Variants in PLPP7 observed in about 807,000 individuals in gnomAD.
PLPP7 encodes the protein phospholipid phosphatase 7 (inactive).
Under a neutral mutation model 16.9 loss-of-function variants are expected in PLPP7, and 11 were observed. The ratio of observed to expected loss-of-function variants is 0.65; its 90% CI spans 0.41 to 1.08. The LOEUF is 1.08. Ranked by LOEUF, PLPP7 falls within the 50% of genes least tolerant of loss-of-function variation. The probability of loss-of-function intolerance (pLI) is 0.00; values close to 1 mark genes in which losing one functional copy is unlikely to be tolerated. For missense variants in PLPP7, 358 were observed against 397.1 expected, an observed-to-expected ratio of 0.90 and a Z score of 0.84; for synonymous variants, 174 against 175.1, an observed-to-expected ratio of 0.99 and a Z score of 0.05.
At chr9:131,299,323 G>A (rs1029962305) in intron 1 of PLPP7, among the ~76,000 whole-genome samples, 11 of 151,950 alleles carry the variant, frequency 7.2e-5, no homozygotes, top group African/African-American at 1.7e-4. Context: ...CCTGCTGGGT[G>A]GACCTTTCCC....
chr9:131,293,355 A>G (rs1351790256), intron 1 of PLPP7, among the ~76,000 whole-genome samples: 1 of 152,206 alleles, frequency 6.6e-6, no homozygotes, highest in Non-Finnish European at 1.5e-5. Flanking sequence ...CCATGGGGAC[A>G]TAGGGCCTGG....
At position 131,308,047 on chromosome 9, in the gene PLPP7, G is replaced by A; in HGVS notation, c.576G>A (p.Gly192=). 6.2e-7 allele frequency: 1 copy of A among 1,601,162 alleles called. No individual in the cohort carries two copies. Among genetic ancestry groups the A allele is most frequent in the African/African-American group, 1.3e-5 (1 of 75,052 alleles). ...LTMDIYAFPA[G]HASRAAMVSK... ...TGGACATCTACGCCTTCCCGGCCGG[G>A]CACGCCAGCCGCGCCGCCATGGTGT... The change falls in exon 2 of 2, where the codon GGG becomes GGA. Residue 192 remains glycine (G), a synonymous_variant. Transcript: ENST00000372264.
At chr9:131,300,804 G>A (rs1346370740) in intron 1 of PLPP7, among the ~76,000 whole-genome samples, 1 of 151,438 alleles carries the variant, frequency 6.6e-6, no homozygotes, top group Non-Finnish European at 1.5e-5. Context: ...GAGGCACCCA[G>A]CCCTCCTTGC....
At chr9:131,307,551 CAAAAAAAAAAAAAAAAAA>C (rs57469502) in intron 1 of PLPP7, among the ~76,000 whole-genome samples, 3 of 60,564 alleles carry the variant, frequency 5.0e-5, no homozygotes, top group Middle Eastern at 0.012. Context: ...AACTCTGTCT[CAAAAAAAAAAAAAAAAAA>C]AAAAAAAAAA....
intron 1 of PLPP7, among the ~76,000 whole-genome samples, chr9:131,302,552 G>T (rs576514577): frequency 2.0e-5 from 3 of 152,156 alleles, no homozygotes; most frequent in Non-Finnish European, 4.4e-5. Flanking sequence ...CCAGCCACAC[G>T]CCTCCCCAGC....
intron 1 of PLPP7, among the ~76,000 whole-genome samples, chr9:131,303,281 G>A (rs1357670296): frequency 7.0e-6 from 1 of 143,752 alleles, no homozygotes; most frequent in Non-Finnish European, 1.5e-5. Context: ...GTGGTGAGCC[G>A]AGATCACACC....
At chr9:131,303,488 C>CTTTTTTTTTTTTTTTTTTT (rs5900928) in intron 1 of PLPP7, among the ~76,000 whole-genome samples, 1 of 143,922 alleles carries the variant, frequency 6.9e-6, no homozygotes, top group Non-Finnish European at 1.5e-5. Context: ...TCTTCTGTGT[C>CTTTTTTTTTTTTTTTTTTT]TTTTTTTTTT....
chr9:131,290,611 C>T lies in PLPP7; in HGVS notation c.451+163C>T, dbSNP rs903670952. On this transcript the variant is annotated intron_variant, in intron 1 of 1. Transcript: ENST00000372264. The surrounding 1 kb of genome is among the most constrained non-coding windows in gnomAD (Gnocchi z 4.2). The stretch of plus-strand genomic sequence containing the variant: ...TGCCCCAGAAACAGGCAGGCTCCGG[C>T]GTGGGGGAGCGACAGCCAGGGATGC... 5.7e-5 allele frequency among the ~76,000 whole-genome samples: 8 copies of T among 141,034 alleles called. No individual in the cohort carries two copies. The highest frequency in any genetic ancestry group is 3.6e-3 in the Middle Eastern group (1 of 280). The allele number at this position is 141,034 out of a possible 152,430, so 92.5% of individuals were successfully genotyped here.
intron 1 of PLPP7, chr9:131,291,382 T>C: frequency 8.5e-7 from 1 of 1,175,878 alleles, no homozygotes; most frequent in South Asian, 1.6e-5. Context: ...GGGCATTGGG[T>C]TGGACCACGG....
chr9:131,300,724 G>A (rs1325686162), intron 1 of PLPP7, among the ~76,000 whole-genome samples: 5 of 151,172 alleles, frequency 3.3e-5, no homozygotes, highest in African/African-American at 9.7e-5. Flanking sequence ...GGGAAGGTGT[G>A]GGTCTAGCTT....
At chr9:131,302,788 C>T (rs1236886939) in intron 1 of PLPP7, among the ~76,000 whole-genome samples, 1 of 152,142 alleles carries the variant, frequency 6.6e-6, no homozygotes, top group Non-Finnish European at 1.5e-5. Context: ...ACGATTCAAA[C>T]CCCAAACAGA....
chr9:131,305,964 G>A (rs576538924), intron 1 of PLPP7, among the ~76,000 whole-genome samples: 12 of 152,090 alleles, frequency 7.9e-5, no homozygotes, highest in African/African-American at 2.7e-4. Flanking sequence ...AACACCAGGT[G>A]CGGTGGCTCA....
At chr9:131,305,493 A>G (rs1236377577) in intron 1 of PLPP7, among the ~76,000 whole-genome samples, 3 of 151,774 alleles carry the variant, frequency 2.0e-5, no homozygotes, top group East Asian at 3.9e-4. Context: ...ATTCAAAGTT[A>G]CAGTGAGTTA....
chr9:131,293,404 G>A (rs539568893), intron 1 of PLPP7, among the ~76,000 whole-genome samples: 1 of 152,312 alleles, frequency 6.6e-6, no homozygotes, highest in African/African-American at 2.4e-5. Context: ...AGAGCAGGCC[G>A]GGTGGGTCTG....
chr9:131,301,009 C>A (rs1450150854), intron 1 of PLPP7, among the ~76,000 whole-genome samples: 1 of 152,110 alleles, frequency 6.6e-6, no homozygotes, highest in Non-Finnish European at 1.5e-5. Flanking sequence ...CGCTCTGTCA[C>A]CCAGGTTGGA....
chr9:131,303,177 G>A (rs1835817290), intron 1 of PLPP7, among the ~76,000 whole-genome samples: 1 of 151,926 alleles, frequency 6.6e-6, no homozygotes, highest in Non-Finnish European at 1.5e-5. Context: ...ACTAAAAATA[G>A]AAAAATTAGC....
chr9:131,290,173 G>A lies in PLPP7; in HGVS notation c.176G>A (p.Arg59Gln), dbSNP rs778837615. 3.9e-5 allele frequency: 62 copies of A among 1,580,678 alleles called. No individual in the cohort carries two copies. The highest frequency in any genetic ancestry group is 3.8e-4 in the Admixed American group (22 of 57,856). ...CCTGCTGGTGACGGGGCCAGAGAGC[G>A]ACGCCAGTCACAGCAGCTGCCAGAG... ...PPPAGDGARE[R>Q]RQSQQLPEED... Residue 59 changes from arginine to glutamine, a missense_variant, in exon 1 of 2, where the codon CGA becomes CAA. Arg to Gln is a conservative substitution (Grantham distance 43). Transcript: ENST00000372264. The surrounding 1 kb of genome is among the most constrained non-coding windows in gnomAD (Gnocchi z 4.2).
At chr9:131,296,454 A>G (rs1446040122) in intron 1 of PLPP7, among the ~76,000 whole-genome samples, 2 of 152,044 alleles carry the variant, frequency 1.3e-5, no homozygotes, top group Admixed American at 6.6e-5. Context: ...AGCTTTCACC[A>G]TGTTGGCCAG....
chr9:131,304,334 C>CGGGAAA, intron 1 of PLPP7, among the ~76,000 whole-genome samples: 1 of 152,132 alleles, frequency 6.6e-6, no homozygotes, highest in East Asian at 1.9e-4. Context: ...CCTGTGTTTC[C>CGGGAAA]GAAATGGGGA....
Sources: allele counts gnomAD v4.1 joint callset (sites outside exome capture counted in the v4.1 genomes callset), GRCh38; gene constraint gnomAD v4.1.1; non-coding constraint Gnocchi (gnomAD v3.1); transcripts MANE v1.5; gene names NCBI Gene and HGNC (gene_info 2026-07-23, HGNC 2026-07-21).